USH2A: variants seen among roughly 807,000 people sequenced by gnomAD.
USH2A encodes Usher syndrome 2A (autosomal recessive, mild).
Under a neutral mutation model 538.9 loss-of-function variants are expected in USH2A, and 443 were observed. The ratio of observed to expected loss-of-function variants is 0.82; its 90% CI spans 0.76 to 0.89. The LOEUF (loss-of-function observed/expected upper bound fraction) is 0.89, where lower values mean the gene tolerates loss of function less well. USH2A is among the 40% of genes least tolerant of loss of function. USH2A has a pLI of 0.00. For synonymous variants in USH2A, 2,413 were observed against 2,273.5 expected (o/e 1.06, Z -1.75); for missense variants, 6,633 against 6,324.8 (o/e 1.05, Z -1.65).
intron 32 of USH2A, among the ~76,000 whole-genome samples, chr1:216,030,048 TATATG>T (rs1395528811): frequency 6.8e-6 from 1 of 146,160 alleles, no homozygotes; most frequent in Non-Finnish European, 1.5e-5. Flanking sequence ...ATATATGGTA[TATATG>T]ATATATCACA....
chr1:215,877,668 C>G, intron 43 of USH2A, 90 bp downstream of exon 43: 3 of 1,580,268 alleles, frequency 1.9e-6, no homozygotes, highest in Non-Finnish European at 2.6e-6. Flanking sequence ...ATAACACGCT[C>G]ACACAATGAA....
chr1:215,674,950 C>A lies in USH2A; in HGVS notation c.12961G>T (p.Glu4321Ter). 6.2e-7 allele frequency: 1 copy of A among 1,614,142 alleles called. No individual in the cohort carries two copies. Among genetic ancestry groups the A allele is most frequent in the Non-Finnish European group, 8.5e-7 (1 of 1,180,028 alleles). ...FDPVTFNYTD[E>*]ELLPFSTYSY... ...TAGGTGGAAAAAGGAAGAAGCTCTT[C>A]ATCAGTGTAATTGAAAGTCACAGGA... The change falls in exon 63 of 72, where the codon GAA becomes TAA. Residue 4321 changes from glutamate (E) to a stop codon, truncating the protein, a stop_gained. Coordinates refer to ENST00000307340, the MANE Select transcript of USH2A (RefSeq NM_206933.4). LOFTEE classifies it high-confidence loss of function.
At chr1:216,241,780 C>T (rs367906426) in intron 13 of USH2A, among the ~76,000 whole-genome samples, 7 of 152,256 alleles carry the variant, frequency 4.6e-5, no homozygotes, top group African/African-American at 1.2e-4. Context: ...GTGATCCACC[C>T]GCCTCAGCCT....
chr1:215,834,934 T>G (rs1663433196), intron 47 of USH2A, among the ~76,000 whole-genome samples: 1 of 151,938 alleles, frequency 6.6e-6, no homozygotes, highest in Non-Finnish European at 1.5e-5. Context: ...CCTTGAACTT[T>G]CTTCAAAAGT....
At chr1:216,379,613 A>G (rs1429660681) in intron 3 of USH2A, among the ~76,000 whole-genome samples, 1 of 152,222 alleles carries the variant, frequency 6.6e-6, no homozygotes, top group Non-Finnish European at 1.5e-5. Flanking sequence ...ATACCATCAG[A>G]ACAGCTGGAT....
At chr1:216,184,483 A>G (rs1016281756) in intron 20 of USH2A, among the ~76,000 whole-genome samples, 3 of 151,998 alleles carry the variant, frequency 2.0e-5, no homozygotes, top group East Asian at 1.9e-4. Context: ...CCACATTTGC[A>G]TGATAATTTT....
rs115103403 is a variant in USH2A at position 215,917,032 on chromosome 1, G to A, written c.7301-16127C>T. Among the ~76,000 whole-genome samples, 747 of 152,156 alleles carry A rather than the reference G, an allele frequency of 4.9e-3. 6 individuals carry two copies. Among genetic ancestry groups the A allele is most frequent in the African/African-American group, 0.017 (711 of 41,522 alleles). ...CTCACTGTGCTCAGAGAAAAATAGCGATTTTGAATTTCATTAGATACATTA... is the reference window on the plus strand; with the variant it reads ...CTCACTGTGCTCAGAGAAAAATAGCAATTTTGAATTTCATTAGATACATTA... On this transcript the variant is annotated intron_variant, in intron 38 of 71. Transcript: ENST00000307340.
At chr1:216,381,491 A>C (rs2038922344) in intron 3 of USH2A, among the ~76,000 whole-genome samples, 1 of 152,168 alleles carries the variant, frequency 6.6e-6, no homozygotes, top group Non-Finnish European at 1.5e-5. Flanking sequence ...AGTTTTTTAC[A>C]AAGACAAAGT....
intron 38 of USH2A, among the ~76,000 whole-genome samples, chr1:215,921,041 ATTCT>A (rs1232171158): frequency 6.6e-6 from 1 of 152,046 alleles, no homozygotes; most frequent in African/African-American, 2.4e-5. Flanking sequence ...GAAGAAAAAG[ATTCT>A]TTCTTTCATT....
chr1:216,093,299 C>A (rs972498037), intron 22 of USH2A, among the ~76,000 whole-genome samples: 1 of 152,080 alleles, frequency 6.6e-6, no homozygotes, highest in Non-Finnish European at 1.5e-5. Flanking sequence ...CTGGCACCTG[C>A]GGACTATGTA....
chr1:216,192,519 C>T (rs1390369593), intron 19 of USH2A, among the ~76,000 whole-genome samples: 1 of 151,628 alleles, frequency 6.6e-6, no homozygotes, highest in Admixed American at 6.6e-5. Flanking sequence ...TGGCAAAACC[C>T]TGTCTCTACT....
intron 61 of USH2A, among the ~76,000 whole-genome samples, chr1:215,693,133 T>TAC (rs1251394517): frequency 4.8e-5 from 7 of 144,930 alleles, no homozygotes; most frequent in African/African-American, 1.5e-4. Context: ...TATATATATA[T>TAC]ACACACACAC....
chr1:215,754,201 G>T (rs1368574261), intron 58 of USH2A, among the ~76,000 whole-genome samples: 1 of 152,110 alleles, frequency 6.6e-6, no homozygotes, highest in Non-Finnish European at 1.5e-5. Context: ...TCAGTGTTTG[G>T]CATATAGTAG....
intron 54 of USH2A, among the ~76,000 whole-genome samples, chr1:215,781,741 T>C (rs930190623): frequency 6.6e-6 from 1 of 152,196 alleles, no homozygotes. Context: ...TTTATAGATT[T>C]ATAGATTACC....
At chr1:215,842,079 T>C (rs1663693453) in intron 46 of USH2A, among the ~76,000 whole-genome samples, 1 of 152,148 alleles carries the variant, frequency 6.6e-6, no homozygotes, top group Non-Finnish European at 1.5e-5. Flanking sequence ...ATCCCAGCAC[T>C]GTGGGAAGCT....
chr1:216,419,733 G>T (rs764402228), intron 2 of USH2A, among the ~76,000 whole-genome samples: 1 of 152,092 alleles, frequency 6.6e-6, no homozygotes, highest in African/African-American at 2.4e-5. Flanking sequence ...AATTTGGTAG[G>T]AAGTATCAGA....
At chr1:215,740,825 C>T (rs2102724937) in intron 60 of USH2A, among the ~76,000 whole-genome samples, 1 of 152,262 alleles carries the variant, frequency 6.6e-6, no homozygotes, top group African/African-American at 2.4e-5. Flanking sequence ...AATTATTCCA[C>T]CTCAGATCAT....
intron 61 of USH2A, among the ~76,000 whole-genome samples, chr1:215,726,922 C>T (rs568510525): frequency 6.6e-6 from 1 of 152,280 alleles, no homozygotes; most frequent in African/African-American, 2.4e-5. Flanking sequence ...GCTTCTCATT[C>T]TTTTCCCCTT....
At chr1:216,251,686 C>T (rs1381616353) in intron 11 of USH2A, among the ~76,000 whole-genome samples, 3 of 151,910 alleles carry the variant, frequency 2.0e-5, no homozygotes, top group Non-Finnish European at 2.9e-5. Flanking sequence ...GTGATCCGCC[C>T]GCCTCGGCCT....
Sources: allele counts gnomAD v4.1 joint callset (sites outside exome capture counted in the v4.1 genomes callset), GRCh38; gene constraint gnomAD v4.1.1; transcripts MANE v1.5; gene names NCBI Gene and HGNC (gene_info 2026-07-23, HGNC 2026-07-21).